The following PRR5L variants were observed in gnomAD, a reference collection of about 807,000 sequenced individuals.
PRR5L encodes proline-rich protein 5-like.
PRR5L carries 21 observed loss-of-function variants against 36.4 expected under a neutral mutation model. The observed-to-expected ratio is 0.58, with a 90% CI of 0.41 to 0.83. The LOEUF (loss-of-function observed/expected upper bound fraction) is 0.83, where lower values mean the gene tolerates loss of function less well. Among genes scored for constraint, PRR5L ranks in the 40% least tolerant of loss-of-function variants. PRR5L has a pLI of 0.00. For synonymous variants in PRR5L, 188 were observed against 197.0 expected (o/e 0.95, Z 0.38); for missense variants, 381 against 473.3 (o/e 0.80, Z 1.81).
At chr11:36,444,186 G>A (rs373519703) in intron 6 of PRR5L, among the ~76,000 whole-genome samples, 1 of 152,166 alleles carries the variant, frequency 6.6e-6, no homozygotes, top group East Asian at 1.9e-4. Flanking sequence ...AGAATATTAC[G>A]CAGCCTTACA....
chr11:36,315,935 A>T (rs1481370062), intron 1 of PRR5L, among the ~76,000 whole-genome samples: 1 of 152,180 alleles, frequency 6.6e-6, no homozygotes, highest in African/African-American at 2.4e-5. Context: ...ACAGCTTTGG[A>T]GCCCCTCAGA....
At chr11:36,334,641 G>C (rs1478684657) in intron 1 of PRR5L, among the ~76,000 whole-genome samples, 4 of 152,070 alleles carry the variant, frequency 2.6e-5, no homozygotes, top group African/African-American at 9.7e-5. Context: ...CATAGGTCAG[G>C]CCTCCTTTTT....
chr11:36,439,300 G>C (rs1232009516), intron 6 of PRR5L, among the ~76,000 whole-genome samples: 1 of 152,074 alleles, frequency 6.6e-6, no homozygotes, highest in Non-Finnish European at 1.5e-5. Context: ...GGATCTGGGT[G>C]GACATAGCCC....
intron 6 of PRR5L, among the ~76,000 whole-genome samples, chr11:36,440,967 G>A (rs912863489): frequency 5.3e-5 from 8 of 152,178 alleles, no homozygotes; most frequent in African/African-American, 1.7e-4. Flanking sequence ...CATTACCAAG[G>A]GGAGGGCACC....
intron 4 of PRR5L, among the ~76,000 whole-genome samples, chr11:36,425,236 G>A (rs955549115): frequency 6.6e-6 from 1 of 152,186 alleles, no homozygotes; most frequent in Non-Finnish European, 1.5e-5. Context: ...TGATGAGGAC[G>A]GTTCTGTTAT....
intron 5 of PRR5L, among the ~76,000 whole-genome samples, chr11:36,433,797 C>G (rs1858549735): frequency 6.6e-6 from 1 of 152,212 alleles, no homozygotes; most frequent in East Asian, 1.9e-4. Flanking sequence ...ACCGCCTTGG[C>G]CTCCCAAAGT....
intron 4 of PRR5L, among the ~76,000 whole-genome samples, chr11:36,421,538 T>C (rs1294988901): frequency 6.6e-6 from 1 of 152,198 alleles, no homozygotes; most frequent in African/African-American, 2.4e-5. Flanking sequence ...ACAGTTTTGT[T>C]TTTTTCTTTT....
At chr11:36,332,976 T>C (rs961885158) in intron 1 of PRR5L, among the ~76,000 whole-genome samples, 4 of 152,144 alleles carry the variant, frequency 2.6e-5, no homozygotes, top group African/African-American at 9.7e-5. Flanking sequence ...AAACCATTCA[T>C]TTTTCTCCAT....
At chr11:36,346,475 C>T (rs1856866855) in intron 1 of PRR5L, among the ~76,000 whole-genome samples, 1 of 151,692 alleles carries the variant, frequency 6.6e-6, no homozygotes, top group South Asian at 2.1e-4. Flanking sequence ...CCCAGCTACT[C>T]GGGAGGTTGA....
At position 36,324,693 on chromosome 11, in the gene PRR5L, A is replaced by C. The variant is rs570469677; in HGVS notation, c.-126+28255A>C. ...GACATTTAACATTAAGAATTTTAACATATTCTTTTAAAATTAATCTGAAAA... is the reference window on the plus strand; with the variant it reads ...GACATTTAACATTAAGAATTTTAACCTATTCTTTTAAAATTAATCTGAAAA... On this transcript the variant is annotated intron_variant, in intron 1 of 8. Transcript: ENST00000530639. 3.5e-4 allele frequency among the ~76,000 whole-genome samples: 53 copies of C among 152,318 alleles called. 1 individual carries two copies. In the South Asian group the frequency reaches 0.011, roughly 32 times the overall value.
intron 5 of PRR5L, 145 bp from the exon 6 acceptor site, chr11:36,437,240 C>G: frequency 1.3e-6 from 1 of 748,454 alleles, no homozygotes; most frequent in Non-Finnish European, 2.4e-6. Flanking sequence ...CACCTCTGCT[C>G]TCTGGGCTTT....
intron 1 of PRR5L, among the ~76,000 whole-genome samples, chr11:36,397,677 G>A (rs1444071309): frequency 2.0e-5 from 3 of 151,746 alleles, no homozygotes; most frequent in Admixed American, 6.6e-5. Context: ...GGCTGATCTC[G>A]AACTCCTGAC....
chr11:36,303,260 A>G (rs1308553438), intron 1 of PRR5L, among the ~76,000 whole-genome samples: 3 of 152,228 alleles, frequency 2.0e-5, no homozygotes, highest in Non-Finnish European at 4.4e-5. Flanking sequence ...TTGGAGTGAA[A>G]TCTATAGGAC....
chr11:36,385,318 G>A (rs570918509), intron 1 of PRR5L, among the ~76,000 whole-genome samples: 1 of 152,352 alleles, frequency 6.6e-6, no homozygotes, highest in Admixed American at 6.5e-5. Context: ...GATACTTAAA[G>A]TAGGCTTATA....
At chr11:36,402,035 A>G (rs330264) in intron 2 of PRR5L, among the ~76,000 whole-genome samples, 117,537 of 152,156 alleles carry the variant, frequency 0.77, 47,185 homozygotes, top group East Asian at 0.92. Flanking sequence ...TGTGAGCCAC[A>G]GGTGCTTGGA....
chr11:36,314,160 G>T (rs368371125), intron 1 of PRR5L, among the ~76,000 whole-genome samples: 4 of 152,128 alleles, frequency 2.6e-5, no homozygotes, highest in African/African-American at 9.7e-5. Flanking sequence ...TCGTTTATTT[G>T]TTTAGTACCT....
chr11:36,392,237 A>G (rs1277569244), intron 1 of PRR5L, among the ~76,000 whole-genome samples: 2 of 152,190 alleles, frequency 1.3e-5, no homozygotes, highest in Admixed American at 6.5e-5. Context: ...CTTAGATTGC[A>G]TACAGATTTT....
Position 36,428,190 on chromosome 11 carries a change from G to C in PRR5L, c.295-3663G>C, listed in dbSNP as rs534910751. ...ATTGGTGGTGGAGCCCAGGCACCAG[G>C]GGTGAGGTGTAGGTGCCTGAAAATC... On this transcript the variant is annotated intron_variant, in intron 4 of 8. Transcript: ENST00000530639. Among the ~76,000 whole-genome samples, 56 of 152,170 alleles carry C rather than the reference G, an allele frequency of 3.7e-4. 1 individual carries two copies. The highest frequency in any genetic ancestry group is 4.9e-4 in the Non-Finnish European group (33 of 68,040).
chr11:36,443,202 G>A (rs981160704), intron 6 of PRR5L, among the ~76,000 whole-genome samples: 3 of 152,182 alleles, frequency 2.0e-5, no homozygotes, highest in African/African-American at 7.2e-5. Context: ...AGGTGATGGG[G>A]AGCCGGTGTA....
Sources: allele counts gnomAD v4.1 joint callset (sites outside exome capture counted in the v4.1 genomes callset), GRCh38; gene constraint gnomAD v4.1.1; transcripts MANE v1.5; gene names NCBI Gene and HGNC (gene_info 2026-07-23, HGNC 2026-07-21).